AUTS2: variants seen among roughly 807,000 people sequenced by gnomAD.
The protein encoded by AUTS2 is activator of transcription and developmental regulator AUTS2.
Under a neutral mutation model 112.4 loss-of-function variants are expected in AUTS2, and 17 were observed. The observed-to-expected ratio is 0.15, with a 90% confidence interval of 0.10 to 0.23. The LOEUF is 0.23. Ranked by LOEUF, AUTS2 falls within the 10% of genes least tolerant of loss-of-function variation. The probability of loss-of-function intolerance (pLI) is 1.00; values close to 1 mark genes in which losing one functional copy is unlikely to be tolerated. For synonymous variants in AUTS2, 751 were observed against 702.7 expected (o/e 1.07, Z -1.09); for missense variants, 1,510 against 1,701.6 (o/e 0.89, Z 1.98).
At chr7:70,750,663 A>G (rs550111930) in intron 6 of AUTS2, among the ~76,000 whole-genome samples, 85 of 152,184 alleles carry the variant, frequency 5.6e-4, no homozygotes, top group Non-Finnish European at 8.7e-4. Flanking sequence ...TGGCCTCCCA[A>G]AGTGCTGGGA....
At chr7:70,058,089 A>G (rs540918489) in intron 2 of AUTS2, among the ~76,000 whole-genome samples, 6 of 152,322 alleles carry the variant, frequency 3.9e-5, no homozygotes, top group African/African-American at 9.6e-5. Flanking sequence ...AATACCTCCT[A>G]TATTTTGGAC....
chr7:70,386,855 C>T (rs1793633999), intron 4 of AUTS2, among the ~76,000 whole-genome samples: 1 of 152,180 alleles, frequency 6.6e-6, no homozygotes, highest in South Asian at 2.1e-4. Context: ...CACCTCCCGA[C>T]TTTTCTGTAG....
At chr7:70,434,421 A>C (rs1795805668) in intron 4 of AUTS2, among the ~76,000 whole-genome samples, 1 of 152,208 alleles carries the variant, frequency 6.6e-6, no homozygotes. Flanking sequence ...GTTTCTGTTC[A>C]AAGCTATACC....
In AUTS2 at chr7:70,790,402, G is replaced by T. The variant is rs369519062; in HGVS notation, c.3186G>T (p.Pro1062=). ...ISPLPGGERF[P]YPSFHWDPIR... ...CCCTCCCGGGCGGAGAGCGCTTCCC[G>T]TACCCTTCTTTCCACTGGGACCCCA... The change falls in exon 19 of 19, where the codon CCG becomes CCT. Residue 1062 remains proline, a synonymous_variant. Coordinates refer to ENST00000342771, the MANE Select transcript of AUTS2 (RefSeq NM_015570.4). This position sits in a 1 kb window ranked among gnomAD's most constrained non-coding sequence, Gnocchi z 7.6. The T allele has an allele frequency of 6.2e-7, 1 of 1,613,324 alleles. No homozygotes were observed. The highest frequency in any genetic ancestry group is 8.5e-7 in the Non-Finnish European group (1 of 1,179,772).
chr7:69,657,556 G>T (rs931879643), intron 1 of AUTS2, among the ~76,000 whole-genome samples: 1 of 152,152 alleles, frequency 6.6e-6, no homozygotes, highest in Non-Finnish European at 1.5e-5. Context: ...CGGAGGTCCT[G>T]GCCTGGAATG....
rs1562952412 is a variant in AUTS2 at position 69,890,069 on chromosome 7, A to G, written c.310-9217A>G. Among the ~76,000 whole-genome samples, 5 of 152,176 alleles carry G rather than the reference A, an allele frequency of 3.3e-5. No individual in the cohort carries two copies. In the South Asian group the frequency reaches 1.0e-3, roughly 32 times the overall value. Reference sequence around the variant, plus strand: ...TTCGTCATGCTGTATTTCTCAGATTATCTGGAGGGACTGTAATCCAATTTT... The same window carrying G: ...TTCGTCATGCTGTATTTCTCAGATTGTCTGGAGGGACTGTAATCCAATTTT... On this transcript the variant is annotated intron_variant, in intron 1 of 18. Coordinates refer to ENST00000342771, the MANE Select transcript of AUTS2 (RefSeq NM_015570.4).
At chr7:70,737,394 A>G (rs1787836671) in intron 6 of AUTS2, among the ~76,000 whole-genome samples, 4 of 152,238 alleles carry the variant, frequency 2.6e-5, no homozygotes, top group Admixed American at 2.6e-4. Context: ...ATCAAAATGG[A>G]AGAGAACCTC....
chr7:70,527,941 G>A (rs1037241896), intron 5 of AUTS2, among the ~76,000 whole-genome samples: 3 of 152,052 alleles, frequency 2.0e-5, no homozygotes, highest in Admixed American at 6.6e-5. Flanking sequence ...TCCAGGATGA[G>A]GTTTCTATTT....
intron 2 of AUTS2, among the ~76,000 whole-genome samples, chr7:69,967,491 G>A (rs1797679150): frequency 6.6e-6 from 1 of 152,122 alleles, no homozygotes; most frequent in Non-Finnish European, 1.5e-5. Flanking sequence ...GCAGTTTCCG[G>A]AGCAAGATCA....
intron 4 of AUTS2, among the ~76,000 whole-genome samples, chr7:70,395,328 C>G (rs183468469): frequency 6.6e-6 from 1 of 152,088 alleles, no homozygotes; most frequent in Non-Finnish European, 1.5e-5. Context: ...CGCCTCTCAC[C>G]AAGTTTCAGA....
At chr7:70,758,548 A>G (rs56052852) in intron 6 of AUTS2, among the ~76,000 whole-genome samples, 3,093 of 152,336 alleles carry the variant, frequency 0.02, 114 homozygotes, top group African/African-American at 0.069. Context: ...AAAGTACGCA[A>G]TGTAATTTGA....
chr7:70,737,387 A>C (rs1331127435), intron 6 of AUTS2, among the ~76,000 whole-genome samples: 1 of 152,262 alleles, frequency 6.6e-6, no homozygotes, highest in Non-Finnish European at 1.5e-5. Flanking sequence ...CCATAGAATC[A>C]AAATGGAAGA....
rs1168188278 is a variant in AUTS2, at chr7:70,790,712, C to G, written c.3496C>G (p.Arg1166Gly). The change falls in exon 19 of 19, where the codon CGG becomes GGG. Residue 1166 changes from arginine to glycine, a missense_variant. This residue lies in a region of AUTS2 where 788 missense variants were observed against 797.6 expected (regional missense o/e 0.99). Coordinates refer to ENST00000342771, the MANE Select transcript of AUTS2 (RefSeq NM_015570.4). This position sits in a 1 kb window ranked among gnomAD's most constrained non-coding sequence, Gnocchi z 7.6. ...GCTCAGAGAAGACTACGAGCACACGCGGCTCCACTCCGTGCACCCCGCCTC... is the reference window on the plus strand; with the variant it reads ...GCTCAGAGAAGACTACGAGCACACGGGGCTCCACTCCGTGCACCCCGCCTC... The part of the protein sequence containing the change: ...HMLREDYEHT[R>G]LHSVHPASLD... The G allele has an allele frequency of 3.1e-6, 5 of 1,613,636 alleles. No homozygotes were observed. Among genetic ancestry groups the G allele is most frequent in the Non-Finnish European group, 4.2e-6 (5 of 1,179,968 alleles).
intron 1 of AUTS2, among the ~76,000 whole-genome samples, chr7:69,748,057 A>C (rs1277374501): frequency 6.6e-6 from 1 of 151,896 alleles, no homozygotes; most frequent in South Asian, 2.1e-4. Flanking sequence ...AGGGTTCCTT[A>C]TTAGAATGGA....
At chr7:70,448,973 T>G (rs1169135419) in intron 5 of AUTS2, among the ~76,000 whole-genome samples, 1 of 152,274 alleles carries the variant, frequency 6.6e-6, no homozygotes, top group South Asian at 2.1e-4. Flanking sequence ...TTTGAAACTC[T>G]TAAGTTGTAA....
chr7:70,382,477 A>G (rs1793412676), intron 4 of AUTS2, among the ~76,000 whole-genome samples: 1 of 152,160 alleles, frequency 6.6e-6, no homozygotes, highest in Non-Finnish European at 1.5e-5. Context: ...TTCAAATTAA[A>G]TGGAAATTCC....
intron 2 of AUTS2, among the ~76,000 whole-genome samples, chr7:69,923,599 C>G (rs916084767): frequency 6.6e-6 from 1 of 152,150 alleles, no homozygotes; most frequent in African/African-American, 2.4e-5. Flanking sequence ...CAAGGTCTAT[C>G]TCTCTATTTA....
chr7:70,527,978 C>G (rs889847404), intron 5 of AUTS2, among the ~76,000 whole-genome samples: 1 of 152,014 alleles, frequency 6.6e-6, no homozygotes, highest in African/African-American at 2.4e-5. Flanking sequence ...TAGAGCCACT[C>G]CTAACACACC....
At position 70,758,780 on chromosome 7, in the gene AUTS2, G is replaced by A. The variant is rs144993027; in HGVS notation, c.743-4090G>A. ...AAGCGATTTCTTAAAATGTGTTGCT[G>A]CCAATTTTGGAGAAGTACAGTAAGA... On this transcript the variant is annotated intron_variant, in intron 6 of 18. Coordinates refer to ENST00000342771, the MANE Select transcript of AUTS2 (RefSeq NM_015570.4). Among the ~76,000 whole-genome samples, 297 of 152,312 alleles carry A rather than the reference G, an allele frequency of 1.9e-3. 2 individuals are homozygous for A. The highest frequency in any genetic ancestry group is 2.9e-3 in the Non-Finnish European group (198 of 68,024).
Sources: allele counts gnomAD v4.1 joint callset (sites outside exome capture counted in the v4.1 genomes callset), GRCh38; gene constraint gnomAD v4.1.1; regional missense constraint gnomAD v4.1.1; non-coding constraint Gnocchi (gnomAD v3.1); transcripts MANE v1.5; gene names NCBI Gene and HGNC (gene_info 2026-07-23, HGNC 2026-07-21).